The following IQCM variants were observed in gnomAD, a reference collection of about 807,000 sequenced individuals.
The protein encoded by IQCM is IQ domain-containing protein M.
A neutral mutation model predicts 57.6 loss-of-function variants in IQCM; 45 were observed. That is an observed-to-expected ratio of 0.78 (90% CI 0.62 to 1.00). IQCM has a LOEUF of 1.00. IQCM is among the 50% of genes least tolerant of loss of function. The pLI is 0.00. For missense variants in IQCM, 468 were observed against 511.6 expected, an observed-to-expected ratio of 0.91 and a Z score of 0.82; for synonymous variants, 148 against 158.9, an observed-to-expected ratio of 0.93 and a Z score of 0.51.
chr4:149,739,647 A>T (rs1247095297), intron 3 of IQCM, among the ~76,000 whole-genome samples: 3 of 152,130 alleles, frequency 2.0e-5, no homozygotes, highest in Non-Finnish European at 4.4e-5. Flanking sequence ...TCCCAAAAGC[A>T]ATAGTAAGTC....
At chr4:149,719,910 A>G (rs1309313516) in intron 5 of IQCM, among the ~76,000 whole-genome samples, 1 of 152,244 alleles carries the variant, frequency 6.6e-6, no homozygotes, top group African/African-American at 2.4e-5. Context: ...CTAAGGTTAA[A>G]GAATACCGAG....
intron 13 of IQCM, among the ~76,000 whole-genome samples, chr4:149,395,006 A>G (rs1019575284): frequency 2.6e-5 from 4 of 151,986 alleles, no homozygotes; most frequent in Admixed American, 6.6e-5. Flanking sequence ...TGTGAAAAAC[A>G]TCTTAGAAGG....
chr4:149,717,662 AG>A (rs1203958290), intron 5 of IQCM, among the ~76,000 whole-genome samples: 1 of 152,228 alleles, frequency 6.6e-6, no homozygotes, highest in Non-Finnish European at 1.5e-5. Flanking sequence ...AGCCTGAAAA[AG>A]GTTAAAGTAA....
intron 2 of IQCM, among the ~76,000 whole-genome samples, chr4:149,781,658 GTA>G (rs1411687345): frequency 6.6e-6 from 1 of 152,106 alleles, no homozygotes; most frequent in African/African-American, 2.4e-5. Context: ...AAAAAACATG[GTA>G]TATATAGGAT....
intron 8 of IQCM, among the ~76,000 whole-genome samples, chr4:149,620,924 G>A (rs1053453325): frequency 6.6e-6 from 1 of 152,154 alleles, no homozygotes; most frequent in Non-Finnish European, 1.5e-5. Context: ...CATGCATATT[G>A]TGGGATCGGG....
At chr4:149,503,262 A>C (rs1358305660) in intron 12 of IQCM, among the ~76,000 whole-genome samples, 1 of 152,112 alleles carries the variant, frequency 6.6e-6, no homozygotes, top group Non-Finnish European at 1.5e-5. Flanking sequence ...AACAATAATA[A>C]ATTAAAATAT....
chr4:149,518,790 G>T (rs906832171), intron 12 of IQCM, among the ~76,000 whole-genome samples: 1 of 152,152 alleles, frequency 6.6e-6, no homozygotes, highest in East Asian at 1.9e-4. Context: ...GGGAGAGAGA[G>T]AGAGAAATGT....
chr4:149,588,818 C>T (rs1286508335), intron 8 of IQCM, among the ~76,000 whole-genome samples: 2 of 151,880 alleles, frequency 1.3e-5, no homozygotes, highest in African/African-American at 2.4e-5. Context: ...CACACTAAAA[C>T]ACACAGTAAC....
intron 9 of IQCM, among the ~76,000 whole-genome samples, chr4:149,581,811 T>C (rs1199901519): frequency 6.6e-6 from 1 of 151,648 alleles, no homozygotes; most frequent in Admixed American, 6.6e-5. Context: ...CTCCTATTCT[T>C]TGGAGAATTG....
At position 149,724,641 on chromosome 4, in the gene IQCM, C is replaced by A. The variant is rs568787902; in HGVS notation, c.385+8603G>T. ...AACTTCTTCCAGACTGGGTAAGGAA[C>A]AACTCCATATCAACCCTAAATATAT... On this transcript the variant is annotated intron_variant, in intron 5 of 13. Transcript: ENST00000636793. Among the ~76,000 whole-genome samples the A allele has an allele frequency of 2.0e-5, 3 of 152,072 alleles. No individual in the cohort carries two copies. In the South Asian group the frequency reaches 6.2e-4, roughly 32 times the overall value.
intron 2 of IQCM, among the ~76,000 whole-genome samples, chr4:149,802,586 C>T (rs1483345563): frequency 6.6e-6 from 1 of 151,920 alleles, no homozygotes; most frequent in Non-Finnish European, 1.5e-5. Context: ...GAGCATTCTC[C>T]AAGGCAACAT....
chr4:149,507,291 T>C (rs796343334), intron 12 of IQCM, among the ~76,000 whole-genome samples: 2 of 152,292 alleles, frequency 1.3e-5, no homozygotes, highest in African/African-American at 4.8e-5. Flanking sequence ...TCTGAAAGTG[T>C]GGAAGCAACT....
chr4:149,407,028 G>A (rs1053150906), intron 13 of IQCM, among the ~76,000 whole-genome samples: 4 of 151,900 alleles, frequency 2.6e-5, no homozygotes, highest in Admixed American at 6.6e-5. Flanking sequence ...CGAAAGGCAC[G>A]TTTTACATGG....
intron 12 of IQCM, among the ~76,000 whole-genome samples, chr4:149,461,169 G>A (rs990489885): frequency 6.8e-6 from 1 of 147,328 alleles, no homozygotes; most frequent in Non-Finnish European, 1.5e-5. Context: ...GGAGGCAGAC[G>A]TTGCAGTGAG....
intron 2 of IQCM, among the ~76,000 whole-genome samples, chr4:149,799,556 T>C (rs1773416161): frequency 6.6e-6 from 1 of 151,776 alleles, no homozygotes; most frequent in African/African-American, 2.4e-5. Flanking sequence ...AAGTTGGTTT[T>C]TTAAAAGTTA....
chr4:149,649,080 G>T (rs922397053), intron 7 of IQCM, among the ~76,000 whole-genome samples: 5 of 152,012 alleles, frequency 3.3e-5, no homozygotes. Context: ...CATACACAAG[G>T]TGTAAATTCA....
At chr4:149,797,508 A>G (rs747707223) in intron 2 of IQCM, among the ~76,000 whole-genome samples, 45 of 152,042 alleles carry the variant, frequency 3.0e-4, no homozygotes, top group Admixed American at 1.3e-4. Context: ...AGCTTATTCA[A>G]GGGGATAATA....
intron 8 of IQCM, among the ~76,000 whole-genome samples, chr4:149,607,283 T>C (rs112909521): frequency 6.6e-4 from 100 of 152,216 alleles, no homozygotes; most frequent in African/African-American, 2.3e-3. Flanking sequence ...ACAACTAGAA[T>C]GTTATACCCT....
At chr4:149,469,647 G>A (rs1448216965) in intron 12 of IQCM, among the ~76,000 whole-genome samples, 1 of 152,140 alleles carries the variant, frequency 6.6e-6, no homozygotes, top group Non-Finnish European at 1.5e-5. Context: ...TCCTCGAGAA[G>A]AGCAACTCCA....
Sources: gnomAD v4.1 joint callset for allele counts (sites outside exome capture counted in the v4.1 genomes callset) on GRCh38, gnomAD v4.1.1 for gene constraint, MANE v1.5 for transcripts, NCBI Gene and HGNC (gene_info 2026-07-23, HGNC 2026-07-21) for gene names.